The following LAMB1 variants were observed in gnomAD, a reference collection of about 807,000 sequenced individuals.
LAMB1 encodes laminin subunit beta-1.
In LAMB1, 121 loss-of-function variants were observed where a neutral mutation model predicts 222.3. That is an observed-to-expected ratio of 0.54 (90% CI 0.47 to 0.63). The LOEUF (loss-of-function observed/expected upper bound fraction) is 0.63, where lower values mean the gene tolerates loss of function less well. Among genes scored for constraint, LAMB1 ranks in the 30% least tolerant of loss-of-function variants. LAMB1 has a pLI of 0.00. For missense variants in LAMB1, 2,172 were observed against 2,240.8 expected (o/e 0.97, Z 0.62); for synonymous variants, 794 against 807.2 (o/e 0.98, Z 0.28).
chr7:107,955,182 T>G (rs922647124), intron 21 of LAMB1, among the ~76,000 whole-genome samples: 1 of 152,182 alleles, frequency 6.6e-6, no homozygotes, highest in Non-Finnish European at 1.5e-5. Context: ...AAAACTTAAG[T>G]TAATCTTTCT....
At position 107,959,848 on chromosome 7, in the gene LAMB1, G is replaced by A. The variant is rs560990170; in HGVS notation, c.2315-14C>T. The stretch of plus-strand genomic sequence containing the variant: ...CGCATTCACAAGCTGTGGGTAAAGA[G>A]AGGCCAGAACCCATGACACGGAGCA... On this transcript the variant is annotated splice_polypyrimidine_tract_variant and intron_variant, in intron 18 of 33. Coordinates refer to ENST00000222399, the MANE Select transcript of LAMB1 (RefSeq NM_002291.3). The A allele has an allele frequency of 1.9e-6, 3 of 1,610,544 alleles. No individual in the cohort carries two copies. The highest frequency in any genetic ancestry group is 2.5e-6 in the Non-Finnish European group (3 of 1,178,118).
chr7:107,934,335 C>T (rs2032788060), intron 27 of LAMB1, among the ~76,000 whole-genome samples: 1 of 152,170 alleles, frequency 6.6e-6, no homozygotes, highest in South Asian at 2.1e-4. Flanking sequence ...TTGAACTCTT[C>T]TGCGCCTATG....
intron 24 of LAMB1, among the ~76,000 whole-genome samples, chr7:107,943,753 CTG>C (rs1159993294): frequency 6.6e-6 from 1 of 152,138 alleles, no homozygotes; most frequent in Non-Finnish European, 1.5e-5. Flanking sequence ...GGAGCACTGA[CTG>C]TTACTTTCCC....
chr7:107,992,149 G>A (rs1360096830), intron 5 of LAMB1, among the ~76,000 whole-genome samples: 4 of 152,020 alleles, frequency 2.6e-5, no homozygotes, highest in African/African-American at 7.3e-5. Flanking sequence ...GTTTCCCTCC[G>A]GCCATGAATG....
chr7:107,989,147 C>T (rs572403568), intron 5 of LAMB1, among the ~76,000 whole-genome samples: 1 of 152,126 alleles, frequency 6.6e-6, no homozygotes, highest in Non-Finnish European at 1.5e-5. Flanking sequence ...GAAACCAAGG[C>T]AGGAGGGAGA....
chr7:107,960,166 T>C (rs924219796), intron 18 of LAMB1, among the ~76,000 whole-genome samples: 1 of 152,194 alleles, frequency 6.6e-6, no homozygotes, highest in Non-Finnish European at 1.5e-5. Context: ...TCTGATTCCA[T>C]TCCCCTCTCC....
intron 24 of LAMB1, among the ~76,000 whole-genome samples, chr7:107,946,426 T>C (rs1584495640): frequency 6.6e-6 from 1 of 152,256 alleles, no homozygotes; most frequent in Non-Finnish European, 1.5e-5. Flanking sequence ...CAAGTTTTAA[T>C]GTAAAAGTTG....
chr7:107,954,957 C>T (rs1356155884), intron 21 of LAMB1, among the ~76,000 whole-genome samples: 1 of 152,142 alleles, frequency 6.6e-6, no homozygotes, highest in Non-Finnish European at 1.5e-5. Context: ...GTATTTGTAA[C>T]AGTGGCTTCA....
intron 30 of LAMB1, 21 bp downstream of exon 30, chr7:107,929,391 A>G: frequency 2.5e-6 from 4 of 1,602,940 alleles, no homozygotes; most frequent in Non-Finnish European, 3.4e-6. Flanking sequence ...TAAGCCCCTT[A>G]GATGCCATGT....
At chr7:107,960,726 A>G in intron 17 of LAMB1, 77 bp from the exon 18 acceptor site, 1 of 1,214,974 alleles carries the variant, frequency 8.2e-7, no homozygotes, top group East Asian at 2.3e-5. Flanking sequence ...AAACGTGTAG[A>G]AAACCCAAAT....
At chr7:107,954,559 A>G (rs563349538) in intron 21 of LAMB1, among the ~76,000 whole-genome samples, 4 of 152,120 alleles carry the variant, frequency 2.6e-5, no homozygotes, top group African/African-American at 9.6e-5. Flanking sequence ...TGGATCACGA[A>G]GTCAGGAGAT....
intron 22 of LAMB1, among the ~76,000 whole-genome samples, chr7:107,952,893 C>T (rs540747827): frequency 4.6e-5 from 7 of 152,268 alleles, no homozygotes; most frequent in African/African-American, 1.4e-4. Flanking sequence ...TTTAGGATTT[C>T]GAAGTCCATC....
chr7:107,998,389 T>A lies in LAMB1; in HGVS notation c.317A>T (p.Asn106Ile), dbSNP rs755529356. ...IENVVTTFAP[N>I]RLKIWWQSEN... Reference sequence around the variant, plus strand: ...AGATTGCCACCAAATCTTAAGGCGGTTTGGAGCAAATGTAGTGACCACATT... The same window carrying A: ...AGATTGCCACCAAATCTTAAGGCGGATTGGAGCAAATGTAGTGACCACATT... Residue 106 changes from asparagine (N) to isoleucine (I), a missense_variant, in exon 4 of 34, where the codon AAC (asparagine) becomes ATC (isoleucine). Asn to Ile is a moderately radical substitution (Grantham distance 149). Transcript: ENST00000222399. 3 of 1,614,026 alleles carry A rather than the reference T, an allele frequency of 1.9e-6. No homozygotes were observed. Among genetic ancestry groups the A allele is most frequent in the Non-Finnish European group, 2.5e-6 (3 of 1,179,984 alleles).
chr7:107,961,179 AT>A, intron 17 of LAMB1, 26 bp downstream of exon 17: 2 of 1,613,824 alleles, frequency 1.2e-6, no homozygotes, highest in South Asian at 2.2e-5. Flanking sequence ...GCTTTCCTGC[AT>A]ATGCCAGAAG....
intron 13 of LAMB1, among the ~76,000 whole-genome samples, chr7:107,972,022 A>G (rs894018229): frequency 2.0e-4 from 30 of 152,220 alleles, no homozygotes; most frequent in African/African-American, 5.1e-4. Context: ...ACAAGCAGAC[A>G]GCATTCTGTC....
intron 5 of LAMB1, among the ~76,000 whole-genome samples, chr7:107,993,779 G>A (rs1187476417): frequency 1.3e-5 from 2 of 152,230 alleles, no homozygotes; most frequent in African/African-American, 4.8e-5. Flanking sequence ...TTGGTGACAA[G>A]GAGTAGTTGA....
chr7:107,997,533 G>A lies in LAMB1; in HGVS notation c.349+824C>T, dbSNP rs1246619307. On this transcript the variant is annotated intron_variant, in intron 4 of 33. Transcript: ENST00000222399. ...AGCGGCATCCAAAGCCTGCCCAGGT[G>A]TACTGCATAGAATAAAGAAATCTAG... Among the ~76,000 whole-genome samples the A allele has an allele frequency of 2.6e-5, 4 of 152,210 alleles. No homozygotes were observed. The East Asian group carries it at 7.7e-4, about 29-fold the overall frequency.
rs757004190 is a variant in LAMB1 at position 107,932,328 on chromosome 7, C to T, written c.4238G>A (p.Gly1413Glu). ...TCCTTCGTCAGTTCTGCAGTTTGGC[C>T]CGCCACATTCAGTCTCGGAACAGGA... is the stretch of plus-strand genomic sequence containing the variant. ...GASCSETECG[G>E]PNCRTDEGER... Residue 1413 changes from glycine to glutamate, a missense_variant, in exon 28 of 34, where the codon GGG becomes GAG. Coordinates refer to ENST00000222399, the MANE Select transcript of LAMB1 (RefSeq NM_002291.3). 14 of 1,614,192 alleles carry T rather than the reference C, an allele frequency of 8.7e-6. No homozygotes were observed. The highest frequency in any genetic ancestry group is 1.1e-5 in the Non-Finnish European group (13 of 1,180,036).
At chr7:107,979,123 C>G (rs1435546474) in intron 8 of LAMB1, among the ~76,000 whole-genome samples, 2 of 152,190 alleles carry the variant, frequency 1.3e-5, no homozygotes, top group Non-Finnish European at 2.9e-5. Flanking sequence ...TGCTGTGAGA[C>G]CCGTGATAGT....
Sources: gnomAD v4.1 joint callset for allele counts (sites outside exome capture counted in the v4.1 genomes callset) on GRCh38, gnomAD v4.1.1 for gene constraint, MANE v1.5 for transcripts, NCBI Gene and HGNC (gene_info 2026-07-23, HGNC 2026-07-21) for gene names.